BCL2L11: variants seen among roughly 807,000 people sequenced by gnomAD.
BCL2L11 encodes BCL2 like 11, also known as bcl-2-like protein 11.
A neutral mutation model predicts 20.6 loss-of-function variants in BCL2L11; 15 were observed. The ratio of observed to expected loss-of-function variants is 0.73; its 90% CI spans 0.49 to 1.12. The LOEUF (loss-of-function observed/expected upper bound fraction) is 1.12, where lower values mean the gene tolerates loss of function less well. BCL2L11 is among the 50% of genes most tolerant of loss of function. The probability of loss-of-function intolerance (pLI) is 0.00; values close to 1 mark genes in which losing one functional copy is unlikely to be tolerated. For synonymous variants in BCL2L11, 108 were observed against 92.8 expected (o/e 1.16, Z -0.94); for missense variants, 292 against 260.9 (o/e 1.12, Z -0.82).
intron 3 of BCL2L11, chr2:111,161,669 G>T: frequency 8.4e-7 from 1 of 1,190,224 alleles, no homozygotes; most frequent in Non-Finnish European, 1.1e-6. Flanking sequence ...CTGCAATACA[G>T]GGATTGTCAT....
intron 3 of BCL2L11, among the ~76,000 whole-genome samples, chr2:111,161,038 C>A (rs982651903): frequency 2.0e-5 from 3 of 152,196 alleles, no homozygotes; most frequent in Non-Finnish European, 4.4e-5. Flanking sequence ...ATGCTGTCAT[C>A]CCCTGTGTCT....
intron 3 of BCL2L11, among the ~76,000 whole-genome samples, chr2:111,161,785 G>C (rs186064813): frequency 2.0e-5 from 3 of 152,270 alleles, no homozygotes; most frequent in Admixed American, 6.5e-5. Context: ...ATCTTAGGGG[G>C]CTTTCTCTAA....
At chr2:111,123,547 CA>C (rs958565851) in intron 1 of BCL2L11, 185 bp from the exon 2 acceptor site, 167 of 972,276 alleles carry the variant, frequency 1.7e-4, no homozygotes, top group East Asian at 2.3e-4. Flanking sequence ...TACCCTCTAC[CA>C]AAAAAAAATT....
At chr2:111,157,251 G>A (rs759048263) in intron 3 of BCL2L11, among the ~76,000 whole-genome samples, 13 of 151,960 alleles carry the variant, frequency 8.6e-5, no homozygotes, top group African/African-American at 2.9e-4. Context: ...GTCTAACTGG[G>A]GTTTTTTTTA....
At chr2:111,123,670 ATTTG>A (rs1452819486) in intron 1 of BCL2L11, 59 bp from the exon 2 acceptor site, 1 of 1,349,652 alleles carries the variant, frequency 7.4e-7, no homozygotes, top group Non-Finnish European at 9.7e-7. Context: ...GTGAGAGCTA[ATTTG>A]TTTATTCATC....
intron 2 of BCL2L11, chr2:111,145,941 G>A: frequency 5.4e-6 from 2 of 368,656 alleles, no homozygotes; most frequent in Non-Finnish European, 6.3e-6. Flanking sequence ...TTTTTTTTTT[G>A]TAACAAGTAA....
chr2:111,153,802 C>T (rs2077510779), intron 3 of BCL2L11: 5 of 1,552,022 alleles, frequency 3.2e-6, no homozygotes, highest in African/African-American at 1.4e-5. Context: ...AGGAAGTTGT[C>T]GTGTAGTTGT....
Position 111,151,530 on chromosome 2 carries a change from G to C in BCL2L11, c.498+1383G>C, listed in dbSNP as rs150641408. Among the ~76,000 whole-genome samples, 374 of 151,978 alleles carry C rather than the reference G, an allele frequency of 2.5e-3. 3 individuals carry two copies. Among genetic ancestry groups the C allele is most frequent in the African/African-American group, 8.8e-3 (366 of 41,430 alleles). On this transcript the variant is annotated intron_variant, in intron 3 of 3. Coordinates refer to ENST00000393256, the MANE Select transcript of BCL2L11 (RefSeq NM_138621.5). ...TTTTTTTAATCTGTTTTCTAGGGGA[G>C]GTCATGCTTGGTTAATTGTTGCTAA...
rs751056434 is a variant in BCL2L11, at chr2:111,149,998, T to C, written c.395-46T>C. ...CTTATCTTTGGAACTTTCCCAGTGA[T>C]CTGTGGACCACAATGTGATTTTTGT... On this transcript the variant is annotated intron_variant, in intron 2 of 3. Transcript: ENST00000393256. 8 of 1,542,964 alleles carry C rather than the reference T, an allele frequency of 5.2e-6. No homozygotes were observed. The African/African-American group carries it at 6.8e-5, about 13-fold the overall frequency.
At chr2:111,156,593 G>A (rs1330374268) in intron 3 of BCL2L11, among the ~76,000 whole-genome samples, 3 of 152,148 alleles carry the variant, frequency 2.0e-5, no homozygotes, top group Non-Finnish European at 4.4e-5. Context: ...GAGAACATGT[G>A]GCTGGGATTA....
In BCL2L11 at chr2:111,147,390, A is replaced by ACACACACC. The variant is rs1039299406; in HGVS notation, c.395-2653_395-2652insACACACCC. Among the ~76,000 whole-genome samples the ACACACACC allele has an allele frequency of 3.3e-4, 45 of 138,346 alleles. No homozygotes were observed. The East Asian group carries it at 6.3e-3, about 19-fold the overall frequency. 90.8% of individuals were successfully genotyped at this position (138,346 alleles called of 152,430 possible). A position where few individuals can be genotyped will look rare whatever the true frequency, so the allele number is the denominator to read the frequency against. ...CACACACACACACACACACACACAC[A>ACACACACC]CCCGCCATTTCTCCCTGCCAGAGCT... On this transcript the variant is annotated intron_variant, in intron 2 of 3. Transcript: ENST00000393256.
chr2:111,156,208 GT>G (rs1414449387), intron 3 of BCL2L11, among the ~76,000 whole-genome samples: 4 of 152,192 alleles, frequency 2.6e-5, no homozygotes, highest in Admixed American at 1.3e-4. Flanking sequence ...GAATGTTGGA[GT>G]TTAGTAAAAG....
chr2:111,128,850 C>G (rs2073265255), intron 2 of BCL2L11: 1 of 1,419,702 alleles, frequency 7.0e-7, no homozygotes, highest in East Asian at 2.6e-5. Flanking sequence ...TATTGACTTT[C>G]TCTGTTTCTT....
chr2:111,121,681 T>A (rs958348099), intron 1 of BCL2L11, among the ~76,000 whole-genome samples: 3 of 152,136 alleles, frequency 2.0e-5, no homozygotes, highest in African/African-American at 7.2e-5. Context: ...ACTGCGGTGG[T>A]GATTTAACTG....
intron 2 of BCL2L11, 98 bp from the exon 3 acceptor site, chr2:111,149,946 T>C: frequency 1.1e-6 from 1 of 932,942 alleles, no homozygotes; most frequent in Non-Finnish European, 1.6e-6. Flanking sequence ...TGTGAAAGAG[T>C]GTGTGAGATG....
chr2:111,147,483 G>C (rs1468027107), intron 2 of BCL2L11, among the ~76,000 whole-genome samples: 2 of 151,948 alleles, frequency 1.3e-5, no homozygotes, highest in African/African-American at 4.8e-5. Context: ...TTTTCTTTTT[G>C]TACAAGAAAC....
intron 2 of BCL2L11, among the ~76,000 whole-genome samples, chr2:111,140,282 T>C (rs1325907942): frequency 6.6e-6 from 1 of 152,130 alleles, no homozygotes; most frequent in African/African-American, 2.4e-5. Context: ...CATTTCAAGC[T>C]GATAAGAGTG....
At chr2:111,144,319 A>C (rs1240275301) in intron 2 of BCL2L11, among the ~76,000 whole-genome samples, 1 of 152,230 alleles carries the variant, frequency 6.6e-6, no homozygotes, top group African/African-American at 2.4e-5. Context: ...GGATTGCCAA[A>C]AAATAAAATG....
chr2:111,143,134 A>T (rs1477407535), intron 2 of BCL2L11, among the ~76,000 whole-genome samples: 1 of 152,216 alleles, frequency 6.6e-6, no homozygotes, highest in African/African-American at 2.4e-5. Context: ...CACAGGTCAG[A>T]TACTTTTAAT....
Sources: gnomAD v4.1 joint callset for allele counts (sites outside exome capture counted in the v4.1 genomes callset) on GRCh38, gnomAD v4.1.1 for gene constraint, MANE v1.5 for transcripts, NCBI Gene and HGNC (gene_info 2026-07-23, HGNC 2026-07-21) for gene names.